PXK: variants seen among roughly 807,000 people sequenced by gnomAD.
The protein encoded by PXK is PX domain containing serine/threonine kinase like, also known as PX domain-containing protein kinase-like protein.
PXK carries 35 observed loss-of-function variants against 84.7 expected under a neutral mutation model. The observed-to-expected ratio is 0.41, with a 90% CI of 0.32 to 0.55. The LOEUF (loss-of-function observed/expected upper bound fraction) is 0.55. PXK is among the 20% of genes least tolerant of loss of function. The probability of loss-of-function intolerance (pLI) is 0.21; values close to 1 mark genes in which losing one functional copy is unlikely to be tolerated. For synonymous variants in PXK, 253 were observed against 260.8 expected, an observed-to-expected ratio of 0.97 and a Z score of 0.29; for missense variants, 634 against 699.7, an observed-to-expected ratio of 0.91 and a Z score of 1.06.
At chr3:58,422,179 A>G in intron 17 of PXK, 1 of 985,426 alleles carries the variant, frequency 1.0e-6, no homozygotes, top group Non-Finnish European at 1.2e-6. Flanking sequence ...AGGAAAAGCC[A>G]AAAACAATCA....
chr3:58,392,365 A>T (rs546452722), intron 7 of PXK, among the ~76,000 whole-genome samples: 41 of 152,242 alleles, frequency 2.7e-4, no homozygotes, highest in Non-Finnish European at 5.1e-4. Context: ...GATATATTTC[A>T]AAATATGTGC....
chr3:58,395,270 G>T (rs1484443199), intron 8 of PXK, among the ~76,000 whole-genome samples, 168 bp downstream of exon 8: 2 of 152,180 alleles, frequency 1.3e-5, no homozygotes, highest in Admixed American at 1.3e-4. Flanking sequence ...ACTTAGTTTG[G>T]TTAAAGAGCA....
In PXK at chr3:58,383,686, A is replaced by T. The variant is rs964995591; in HGVS notation, c.388+986A>T. On this transcript the variant is annotated intron_variant, in intron 4 of 17. Coordinates refer to ENST00000356151, the MANE Select transcript of PXK (RefSeq NM_017771.5). The surrounding 1 kb of genome is among the most constrained non-coding windows in gnomAD (Gnocchi z 4.0). ...TGATGTCAGCAGAATGAGAAACTAA[A>T]TACTTAATACATTCTGGTGTCACTT... 1.3e-5 allele frequency among the ~76,000 whole-genome samples: 2 copies of T among 152,252 alleles called. No homozygotes were observed. The highest frequency in any genetic ancestry group is 4.8e-5 in the African/African-American group (2 of 41,462).
chr3:58,333,040 G>C lies in PXK; in HGVS notation c.52G>C (p.Val18Leu), dbSNP rs1283574184. Reference sequence around the variant, plus strand: ...CGGCAAGGTGCTGCTGGACGACACGGTGCCGCTGACAGCAGCCATCGAGGC... The same window carrying C: ...CGGCAAGGTGCTGCTGGACGACACGCTGCCGCTGACAGCAGCCATCGAGGC... ...PAGKVLLDDT[V>L]PLTAAIEASQ... The change falls in exon 1 of 18, where the codon GTG becomes CTG. Residue 18 changes from valine to leucine, a missense_variant. Transcript: ENST00000356151. The surrounding 1 kb of genome is among the most constrained non-coding windows in gnomAD (Gnocchi z 5.4). The C allele has an allele frequency of 7.4e-7, 1 of 1,351,776 alleles. No homozygotes were observed. The highest frequency in any genetic ancestry group is 9.6e-7 in the Non-Finnish European group (1 of 1,037,910). The allele number at this position is 1,351,776 out of a possible 1,614,324, so 83.7% of individuals were successfully genotyped here.
Position 58,425,063 on chromosome 3 carries a change from A to G in PXK, c.*103A>G. The G allele has an allele frequency of 1.4e-6, 2 of 1,461,440 alleles. No homozygotes were observed. The highest frequency in any genetic ancestry group is 2.8e-5 in the South Asian group (2 of 72,656). The allele number at this position is 1,461,440 out of a possible 1,614,324, so 90.5% of individuals were successfully genotyped here. On this transcript the variant is annotated 3_prime_UTR_variant, in exon 18 of 18. Coordinates refer to ENST00000356151, the MANE Select transcript of PXK (RefSeq NM_017771.5). ...GGGAAAGTAATTGCTGAGCCAGTAC[A>G]GCCACAAACAGTACTATTTTGCAGA...
At chr3:58,373,538 G>T (rs1329764640) in intron 3 of PXK, among the ~76,000 whole-genome samples, 1 of 152,190 alleles carries the variant, frequency 6.6e-6, no homozygotes, top group East Asian at 1.9e-4. Context: ...GACAGCAGGG[G>T]GTTGAGACAA....
chr3:58,395,234 A>G, intron 8 of PXK, 132 bp downstream of exon 8: 1 of 597,108 alleles, frequency 1.7e-6, no homozygotes, highest in South Asian at 3.2e-5. Flanking sequence ...TTTGGAATTT[A>G]TTTTTATTCA....
intron 1 of PXK, among the ~76,000 whole-genome samples, chr3:58,340,937 G>A (rs945804735): frequency 1.3e-5 from 2 of 150,698 alleles, no homozygotes; most frequent in Non-Finnish European, 2.9e-5. Context: ...GAGCTTAAGT[G>A]TTTGGGATAC....
chr3:58,346,858 G>A (rs2097831665), intron 1 of PXK, among the ~76,000 whole-genome samples: 1 of 151,682 alleles, frequency 6.6e-6, no homozygotes, highest in Non-Finnish European at 1.5e-5. Context: ...GGGGTGGGGG[G>A]CACGGAGTCT....
At chr3:58,410,813 A>G in intron 16 of PXK, among the ~76,000 whole-genome samples, 1 of 152,192 alleles carries the variant, frequency 6.6e-6, no homozygotes, top group Non-Finnish European at 1.5e-5. Context: ...GGAAGGTTTC[A>G]CCCTAGTTAC....
chr3:58,363,777 A>G (rs1056142062), intron 1 of PXK, among the ~76,000 whole-genome samples: 1 of 152,104 alleles, frequency 6.6e-6, no homozygotes, highest in East Asian at 1.9e-4. Flanking sequence ...TAGATCTTCC[A>G]GTAGTTTGTT....
chr3:58,364,496 GA>G lies in PXK; in HGVS notation c.103-1377del, dbSNP rs1160341876. ...GGAGGCCGAGGTGGGCGGATTACTT[GA>G]GGTCAGGAGTTCGAGACCAGCTGGG... On this transcript the variant is annotated intron_variant, in intron 1 of 17. Coordinates refer to ENST00000356151, the MANE Select transcript of PXK (RefSeq NM_017771.5). The surrounding 1 kb of genome is among the most constrained non-coding windows in gnomAD (Gnocchi z 4.3). Among the ~76,000 whole-genome samples the G allele has an allele frequency of 6.6e-6, 1 of 152,154 alleles. No homozygotes were observed. The highest frequency in any genetic ancestry group is 2.4e-5 in the African/African-American group (1 of 41,430).
chr3:58,351,395 TTGTG>T (rs57349140), intron 1 of PXK, among the ~76,000 whole-genome samples: 17,743 of 140,444 alleles, frequency 0.13, 1,566 homozygotes, highest in African/African-American at 0.26. Flanking sequence ...AGCTAGCTAT[TTGTG>T]TGTGTGTGTG....
At chr3:58,344,074 G>A (rs2097778182) in intron 1 of PXK, among the ~76,000 whole-genome samples, 1 of 152,058 alleles carries the variant, frequency 6.6e-6, no homozygotes, top group Non-Finnish European at 1.5e-5. Flanking sequence ...AATGACCTTG[G>A]ACAAATTGCC....
chr3:58,385,917 A>G lies in PXK; in HGVS notation c.388+3217A>G, dbSNP rs1282269813. On this transcript the variant is annotated intron_variant, in intron 4 of 17. Transcript: ENST00000356151. This position sits in a 1 kb window ranked among gnomAD's most constrained non-coding sequence, Gnocchi z 5.1. ...AGTTCTGTGTTCAAGTGGTGGCCAG[A>G]ATCAGCAGAGCACTTTTCCTGGTCC... 6.6e-6 allele frequency among the ~76,000 whole-genome samples: 1 copy of G among 152,140 alleles called. No homozygotes were observed. The highest frequency in any genetic ancestry group is 1.5e-5 in the Non-Finnish European group (1 of 68,016).
In PXK at chr3:58,370,632, G is replaced by A. The variant is rs2098353682; in HGVS notation, c.201+1154G>A. Among the ~76,000 whole-genome samples, 1 of 152,184 alleles carries A rather than the reference G, an allele frequency of 6.6e-6. No homozygotes were observed. The highest frequency in any genetic ancestry group is 1.5e-5 in the Non-Finnish European group (1 of 68,022). On this transcript the variant is annotated intron_variant, in intron 3 of 17. Coordinates refer to ENST00000356151, the MANE Select transcript of PXK (RefSeq NM_017771.5). This position sits in a 1 kb window ranked among gnomAD's most constrained non-coding sequence, Gnocchi z 4.2. ...TGATCTTGCCCATAAAGGTCAGGAG[G>A]ACTGTGCACTAGGAGGAAGCGTAAT... is the stretch of plus-strand genomic sequence containing the variant.
At chr3:58,372,403 A>T (rs981615797) in intron 3 of PXK, among the ~76,000 whole-genome samples, 28 of 152,066 alleles carry the variant, frequency 1.8e-4, no homozygotes, top group African/African-American at 6.3e-4. Flanking sequence ...GCTGACTGCA[A>T]GCTCCGCCTC....
intron 1 of PXK, among the ~76,000 whole-genome samples, chr3:58,339,649 T>C (rs1477882370): frequency 1.3e-5 from 2 of 152,054 alleles, no homozygotes; most frequent in Non-Finnish European, 1.5e-5. Flanking sequence ...TAAATCCGAG[T>C]ACCTGACTAT....
chr3:58,385,237 C>G lies in PXK; in HGVS notation c.388+2537C>G, dbSNP rs1288947216. Among the ~76,000 whole-genome samples, 2 of 152,172 alleles carry G rather than the reference C, an allele frequency of 1.3e-5. No individual in the cohort carries two copies. Among genetic ancestry groups the G allele is most frequent in the Non-Finnish European group, 2.9e-5 (2 of 68,028 alleles). The stretch of plus-strand genomic sequence containing the variant: ...CTCCTGCCGGAACCTGTGCTGGCTG[C>G]TATTCAGAGGGCACAATCCCGGAAT... On this transcript the variant is annotated intron_variant, in intron 4 of 17. Coordinates refer to ENST00000356151, the MANE Select transcript of PXK (RefSeq NM_017771.5). The surrounding 1 kb of genome is among the most constrained non-coding windows in gnomAD (Gnocchi z 5.1).
Sources: gnomAD v4.1 joint callset for allele counts (sites outside exome capture counted in the v4.1 genomes callset) on GRCh38, gnomAD v4.1.1 for gene constraint, Gnocchi (gnomAD v3.1) non-coding constraint, MANE v1.5 for transcripts, NCBI Gene and HGNC (gene_info 2026-07-23, HGNC 2026-07-21) for gene names.